ITIH6: variants seen among roughly 807,000 people sequenced by gnomAD.
ITIH6 encodes the protein inter-alpha-trypsin inhibitor heavy chain family member 6.
Under a neutral mutation model 58.2 loss-of-function variants are expected in ITIH6, and 60 were observed. That is an observed-to-expected ratio of 1.03 (90% CI 0.84 to 1.28). The LOEUF is 1.28. Among genes scored for constraint, ITIH6 ranks in the 50% most tolerant of loss-of-function variants. The pLI is 0.00. For synonymous variants in ITIH6, 493 were observed against 417.4 expected (o/e 1.18, Z -2.21); for missense variants, 1,290 against 1,021.1 (o/e 1.26, Z -3.59).
intron 1 of ITIH6, 86 bp downstream of exon 1, chrX:54,798,023 C>T: frequency 3.3e-6 from 2 of 614,264 alleles, no homozygotes; most frequent in African/African-American, 2.3e-5. Context: ...ACTGAAGAAA[C>T]ACACTGAATA....
chrX:54,757,599 T>C lies in ITIH6; in HGVS notation c.2475A>G (p.Arg825=), dbSNP rs758397102. 5.8e-6 allele frequency: 7 copies of C among 1,208,274 alleles called. No individual in the cohort carries two copies. In the African/African-American group the frequency reaches 1.1e-4, roughly 18 times the overall value. Residue 825 remains arginine (R), a synonymous_variant, in exon 8 of 13, where the codon AGA becomes AGG. Coordinates refer to ENST00000218436, the MANE Select transcript of ITIH6 (RefSeq NM_198510.3). The stretch of plus-strand genomic sequence containing the variant: ...GGGTCTTGGGAGCAGGAACCCTAGG[T>C]CTGGTGTGTAGTGGGTACTTGGGAA... The part of the protein sequence containing the change: ...LQVPKYPLHT[R]PRVPAPKTRN...
At chrX:54,790,457 C>T (rs1265997941) in intron 4 of ITIH6, among the ~76,000 whole-genome samples, 3 of 112,493 alleles carry the variant, frequency 2.7e-5, no homozygotes, top group Non-Finnish European at 5.6e-5. Flanking sequence ...ACTCACTCTC[C>T]TGCCATTCTC....
intron 6 of ITIH6, among the ~76,000 whole-genome samples, chrX:54,761,623 A>G (rs1395510152): frequency 9.0e-6 from 1 of 111,221 alleles, no homozygotes; most frequent in Non-Finnish European, 1.9e-5. Flanking sequence ...TATAAGGTGT[A>G]AGGAAGGGAT....
intron 5 of ITIH6, among the ~76,000 whole-genome samples, chrX:54,774,787 C>T (rs1929021805): frequency 8.9e-6 from 1 of 111,800 alleles, no homozygotes; most frequent in Non-Finnish European, 1.9e-5. Flanking sequence ...ATGTGATTGG[C>T]TGCTGACTCC....
At chrX:54,759,557 G>A (rs1928591319) in intron 7 of ITIH6, among the ~76,000 whole-genome samples, 199 bp downstream of exon 7, 1 of 112,363 alleles carries the variant, frequency 8.9e-6, no homozygotes, top group Admixed American at 9.4e-5. Context: ...TAAGATACAT[G>A]GAGAATCGGC....
At chrX:54,788,425 C>G in intron 5 of ITIH6, 55 bp downstream of exon 5, 1 of 1,070,405 alleles carries the variant, frequency 9.3e-7, no homozygotes, top group Admixed American at 2.2e-5. Context: ...GCCTAATGCT[C>G]AGGCCTGTCT....
At chrX:54,788,908 A>G (rs1320812666) in intron 4 of ITIH6, among the ~76,000 whole-genome samples, 2 of 112,293 alleles carry the variant, frequency 1.8e-5, no homozygotes, top group African/African-American at 6.5e-5. Flanking sequence ...GGCCCTGGCA[A>G]TGTGGCCCTC....
intron 7 of ITIH6, among the ~76,000 whole-genome samples, chrX:54,759,369 G>A (rs951746028): frequency 8.9e-6 from 1 of 111,793 alleles, no homozygotes; most frequent in African/African-American, 3.3e-5. Context: ...GGAGGCAGTG[G>A]GTAGAGGAGA....
At position 54,758,605 on chromosome X, in the gene ITIH6, G is replaced by A. The variant is rs749256295; in HGVS notation, c.1469C>T (p.Pro490Leu). The A allele has an allele frequency of 1.5e-5, 18 of 1,209,748 alleles. No homozygotes were observed. The highest frequency in any genetic ancestry group is 2.0e-5 in the Non-Finnish European group (18 of 895,093). ...AAAGTAGTTGGGGAAAACGGCCCAA[G>A]GGGAGGCCCCAACCAAGCCACCCAG... ...NYLGGLVGAS[P>L]WAVFPNYFGG... The change falls in exon 8 of 13, where the codon CCT becomes CTT. Residue 490 changes from proline (P) to leucine (L), a missense_variant. Pro to Leu is a moderately conservative substitution (Grantham distance 98). Coordinates refer to ENST00000218436, the MANE Select transcript of ITIH6 (RefSeq NM_198510.3).
In ITIH6 at chrX:54,758,579, C is replaced by A. The variant is rs767796932; in HGVS notation, c.1495G>T (p.Gly499Cys). 13 of 1,208,975 alleles carry A rather than the reference C, an allele frequency of 1.1e-5. No individual in the cohort carries two copies. In the Admixed American group the frequency reaches 2.4e-4, roughly 22 times the overall value. The change falls in exon 8 of 13, where the codon GGT (glycine) becomes TGT (cysteine). Residue 499 changes from glycine (G) to cysteine (C), a missense_variant. Physicochemically the swap from Gly to Cys is radical, Grantham distance 159 (BLOSUM62 -3). Transcript: ENST00000218436. Reference sequence around the variant, plus strand: ...CCTGCCACCACCAGCTCAGAGCCACCAAAGTAGTTGGGGAAAACGGCCCAA... The same window carrying A: ...CCTGCCACCACCAGCTCAGAGCCACAAAAGTAGTTGGGGAAAACGGCCCAA... ...SPWAVFPNYF[G>C]GSELVVAGQV...
Position 54,757,244 on chromosome X carries a change from A to G in ITIH6, c.2830T>C (p.Tyr944His). Residue 944 changes from tyrosine (Y) to histidine (H), a missense_variant, in exon 8 of 13, where the codon TAT becomes CAT. Coordinates refer to ENST00000218436, the MANE Select transcript of ITIH6 (RefSeq NM_198510.3). ...CTCTGGGGACCCGGGAGGAGGTCATACTGATGCCAGAACCTTCCAGGGGGC... is the reference window on the plus strand; with the variant it reads ...CTCTGGGGACCCGGGAGGAGGTCATGCTGATGCCAGAACCTTCCAGGGGGC... ...TLPPGRFWHQYDLLPGPQRTR... is the reference protein window; with the variant it reads ...TLPPGRFWHQHDLLPGPQRTR... 1 of 1,191,707 alleles carries G rather than the reference A, an allele frequency of 8.4e-7. No homozygotes were observed. Among genetic ancestry groups the G allele is most frequent in the Non-Finnish European group, 1.1e-6 (1 of 885,785 alleles).
intron 6 of ITIH6, among the ~76,000 whole-genome samples, chrX:54,762,392 C>T (rs1226328564): frequency 9.0e-6 from 1 of 111,254 alleles, no homozygotes; most frequent in African/African-American, 3.3e-5. Flanking sequence ...AAACAGGATC[C>T]CAGGTCTTTA....
intron 6 of ITIH6, among the ~76,000 whole-genome samples, chrX:54,764,558 T>G (rs1200921577): frequency 9.4e-6 from 1 of 106,102 alleles, no homozygotes; most frequent in African/African-American, 3.5e-5. Context: ...TGGTTTCCAA[T>G]TTCATCCATG....
chrX:54,751,341 C>T lies in ITIH6; in HGVS notation c.3392G>A (p.Arg1131Lys). The stretch of plus-strand genomic sequence containing the variant: ...GCGAGTCTGGTCCTTGTGGCCCGGC[C>T]TTGGTGGTGCGCCAAGCAGCTTCCC... ...VSGKLLGAPP[R>K]PGHKDQTRTY... The change falls in exon 12 of 13, where the codon AGG becomes AAG. Residue 1131 changes from arginine to lysine, a missense_variant. Arg to Lys is a conservative substitution (Grantham distance 26). Transcript: ENST00000218436. The T allele has an allele frequency of 8.3e-7, 1 of 1,212,020 alleles. No individual in the cohort carries two copies. The highest frequency in any genetic ancestry group is 3.0e-5 in the East Asian group (1 of 33,863).
intron 9 of ITIH6, 111 bp from the exon 10 acceptor site, chrX:54,754,076 C>T: frequency 1.3e-6 from 1 of 776,929 alleles, no homozygotes; most frequent in Non-Finnish European, 1.9e-6. Context: ...GCATTTAAGG[C>T]TTTTCTGAAA....
In ITIH6 at chrX:54,758,318, G is replaced by T; in HGVS notation, c.1756C>A (p.His586Asn). Residue 586 changes from histidine to asparagine, a missense_variant, in exon 8 of 13, where the codon CAC (histidine) becomes AAC (asparagine). Physicochemically the swap from His to Asn is moderately conservative, Grantham distance 68. Coordinates refer to ENST00000218436, the MANE Select transcript of ITIH6 (RefSeq NM_198510.3). ...TTGAGGACTTTGGCAGCCAGCAGGT[G>T]GCGAGTGGTGGTGTCACGAGCTTGG... ...HFQARDTTTR[H>N]LLAAKVLNLS... The T allele has an allele frequency of 1.7e-6, 2 of 1,211,830 alleles. No individual in the cohort carries two copies. The highest frequency in any genetic ancestry group is 2.2e-6 in the Non-Finnish European group (2 of 895,452).
chrX:54,753,143 T>G (rs1329090679), intron 11 of ITIH6, among the ~76,000 whole-genome samples: 1 of 112,944 alleles, frequency 8.9e-6, no homozygotes, highest in Non-Finnish European at 1.9e-5. Context: ...GGCATTGACC[T>G]TACGGTCCTG....
chrX:54,793,707 G>T (rs1294874393), intron 2 of ITIH6, among the ~76,000 whole-genome samples: 1 of 111,917 alleles, frequency 8.9e-6, no homozygotes, highest in African/African-American at 3.2e-5. Context: ...ATGTGTTTCA[G>T]GGGACAGCAA....
chrX:54,764,299 T>C (rs2147606210), intron 6 of ITIH6, among the ~76,000 whole-genome samples: 1 of 109,440 alleles, frequency 9.1e-6, no homozygotes, highest in Admixed American at 9.9e-5. Flanking sequence ...AGGGTACATG[T>C]GCACATTGTG....
Sources: gnomAD v4.1 joint callset for allele counts (sites outside exome capture counted in the v4.1 genomes callset) on GRCh38, gnomAD v4.1.1 for gene constraint, MANE v1.5 for transcripts, NCBI Gene and HGNC (gene_info 2026-07-23, HGNC 2026-07-21) for gene names.